Variants in TUB observed in about 807,000 individuals in gnomAD.
TUB encodes the protein tubby protein homolog.
A neutral mutation model predicts 59.7 loss-of-function variants in TUB; 33 were observed. The ratio of observed to expected loss-of-function variants is 0.55; its 90% CI spans 0.42 to 0.74. TUB has a LOEUF of 0.74. Ranked by LOEUF, TUB falls within the 30% of genes least tolerant of loss-of-function variation. The pLI is 0.00. For synonymous variants in TUB, 293 were observed against 256.4 expected (o/e 1.14, Z -1.36); for missense variants, 659 against 672.0 (o/e 0.98, Z 0.21).
At chr11:8,085,327 A>G (rs1192870894) in intron 1 of TUB, among the ~76,000 whole-genome samples, 3 of 152,230 alleles carry the variant, frequency 2.0e-5, no homozygotes, top group Non-Finnish European at 4.4e-5. Flanking sequence ...TGACCAAGTC[A>G]GGGCTTAGTC....
chr11:8,030,639 G>T (rs1942556028), intron 1 of TUB, among the ~76,000 whole-genome samples: 1 of 152,162 alleles, frequency 6.6e-6, no homozygotes, highest in African/African-American at 2.4e-5. Context: ...TTGTCCTGGG[G>T]AGAGGCAGAT....
At chr11:8,059,424 C>A (rs1943080198) in intron 2 of TUB, among the ~76,000 whole-genome samples, 1 of 152,172 alleles carries the variant, frequency 6.6e-6, no homozygotes, top group East Asian at 1.9e-4. Context: ...GGAACAGTGC[C>A]TCTCGACATT....
rs1444158388 is a variant in TUB, at chr11:8,106,161, G to GTTGACATTATGTATGTTGT, written c.*4543_*4561dup. ...AATGACAAACTTGGTATTTTCCCATGTTGACATTATGTATGTTGTAGAATT... is the reference window on the plus strand; with the variant it reads ...AATGACAAACTTGGTATTTTCCCATGTTGACATTATGTATGTTGTTTGACATTATGTATGTTGTAGAATT... On this transcript the variant is annotated 3_prime_UTR_variant, in exon 12 of 12. Transcript: ENST00000299506. 6 of 151,742 alleles carry GTTGACATTATGTATGTTGT rather than the reference G, an allele frequency of 4.0e-5. No individual in the cohort carries two copies. The highest frequency in any genetic ancestry group is 2.1e-4 in the South Asian group (1 of 4,822). The allele number at this position is 151,742 out of a possible 1,614,324, so 9.4% of individuals were successfully genotyped here.
At chr11:8,032,965 A>G (rs1942596730) in intron 1 of TUB, among the ~76,000 whole-genome samples, 1 of 152,166 alleles carries the variant, frequency 6.6e-6, no homozygotes, top group African/African-American at 2.4e-5. Context: ...CGAGAGACTA[A>G]GCAGGCCAGT....
In TUB at chr11:8,097,793, C is replaced by G. The variant is rs1944064093; in HGVS notation, c.965C>G (p.Ser322Cys). 1 of 1,613,836 alleles carries G rather than the reference C, an allele frequency of 6.2e-7. No individual in the cohort carries two copies. Among genetic ancestry groups the G allele is most frequent in the Non-Finnish European group, 8.5e-7 (1 of 1,179,952 alleles). Residue 322 changes from serine (S) to cysteine (C), a missense_variant, in exon 8 of 12, where the codon TCT (serine) becomes TGT (cysteine). Transcript: ENST00000299506. ...YLISVDPTDL[S>C]RGGDSYIGKL... ...ATCTCTGTGGACCCAACAGACTTGT[C>G]TCGAGGAGGGGACAGCTATATCGGG...
At chr11:8,027,092 G>A (rs559409100) in intron 1 of TUB, among the ~76,000 whole-genome samples, 5 of 152,256 alleles carry the variant, frequency 3.3e-5, no homozygotes, top group Non-Finnish European at 7.4e-5. Context: ...CCTGTATTGG[G>A]ATTCTTAATT....
chr11:8,032,586 G>C (rs139442564), intron 1 of TUB, among the ~76,000 whole-genome samples: 35 of 152,302 alleles, frequency 2.3e-4, no homozygotes, highest in Non-Finnish European at 2.2e-4. Context: ...CGATGCCTGA[G>C]ATATTCTCCC....
intron 2 of TUB, among the ~76,000 whole-genome samples, chr11:8,072,269 C>G (rs1470705949): frequency 2.0e-5 from 3 of 152,140 alleles, no homozygotes. Flanking sequence ...CTCCTCCAGG[C>G]CAGAGCTCAG....
At chr11:8,043,288 A>T (rs373135338) in intron 2 of TUB, among the ~76,000 whole-genome samples, 1 of 152,264 alleles carries the variant, frequency 6.6e-6, no homozygotes, top group South Asian at 2.1e-4. Context: ...TTTGACCTAT[A>T]TGTCTATCTT....
chr11:8,095,390 T>C, intron 4 of TUB, 108 bp from the exon 5 acceptor site: 1 of 1,213,312 alleles, frequency 8.2e-7, no homozygotes, highest in South Asian at 1.7e-5. Context: ...AAATAAAGTT[T>C]TGCAGAGGGT....
chr11:8,050,805 C>T (rs1942922926), intron 2 of TUB, among the ~76,000 whole-genome samples: 1 of 152,176 alleles, frequency 6.6e-6, no homozygotes, highest in African/African-American at 2.4e-5. Flanking sequence ...GCTCTTCTGT[C>T]TCTTAGCTCT....
intron 1 of TUB, among the ~76,000 whole-genome samples, chr11:8,031,606 G>A (rs1226369883): frequency 2.0e-5 from 3 of 152,312 alleles, no homozygotes; most frequent in Non-Finnish European, 2.9e-5. Context: ...GGGGCAATCC[G>A]GGGCCGCATC....
At chr11:8,100,418 T>C in intron 9 of TUB, 85 bp from the exon 10 acceptor site, 1 of 1,043,480 alleles carries the variant, frequency 9.6e-7, no homozygotes, top group Non-Finnish European at 1.5e-6. Context: ...GGGAACTAGC[T>C]CTTCCTCTTT....
intron 2 of TUB, among the ~76,000 whole-genome samples, chr11:8,064,433 C>T (rs1024318306): frequency 2.6e-5 from 4 of 152,150 alleles, no homozygotes; most frequent in African/African-American, 9.7e-5. Context: ...TCCTAATGAG[C>T]ATCCAGGAGC....
At chr11:8,038,051 G>A (rs1491000944), upstream of TUB, among the ~76,000 whole-genome samples, 1 of 152,128 alleles carries the variant, frequency 6.6e-6, no homozygotes, top group African/African-American at 2.4e-5. Flanking sequence ...GGAGGAAGGT[G>A]GACAGGGAAA....
chr11:8,098,512 T>C (rs1261428722), intron 8 of TUB, among the ~76,000 whole-genome samples: 7 of 152,190 alleles, frequency 4.6e-5, no homozygotes, highest in African/African-American at 1.4e-4. Context: ...TGAAGAATCC[T>C]GATTGACCTC....
chr11:8,035,406 C>G (rs75947662), upstream of TUB: 3 of 152,288 alleles, frequency 2.0e-5, no homozygotes, highest in South Asian at 4.1e-4. Flanking sequence ...CTTTATTCAG[C>G]TTACCCTGGT....
intron 2 of TUB, among the ~76,000 whole-genome samples, chr11:8,043,904 C>T (rs1370764852): frequency 6.6e-6 from 1 of 152,064 alleles, no homozygotes; most frequent in Admixed American, 6.6e-5. Context: ...GTTTCATTTT[C>T]TTGCCTAATC....
exon 1 of TUB, chr11:8,038,663 T>TG (rs1942687275): frequency 6.6e-6 from 9 of 1,363,212 alleles, no homozygotes; most frequent in Non-Finnish European, 5.7e-6. Context: ...CTGAAGGGTT[T>TG]GGGGGGAGAC....
Sources: gnomAD v4.1 joint callset for allele counts (sites outside exome capture counted in the v4.1 genomes callset) on GRCh38, gnomAD v4.1.1 for gene constraint, MANE v1.5 for transcripts, NCBI Gene and HGNC (gene_info 2026-07-23, HGNC 2026-07-21) for gene names.